Variants in SPAG5 observed in about 807,000 individuals in gnomAD.
SPAG5 encodes the protein sperm-associated antigen 5.
Under a neutral mutation model 145.4 loss-of-function variants are expected in SPAG5, and 99 were observed. That is an observed-to-expected ratio of 0.68 (90% confidence interval 0.58 to 0.80). SPAG5 has a LOEUF of 0.80. Ranked by LOEUF, SPAG5 falls within the 30% of genes least tolerant of loss-of-function variation. The probability of loss-of-function intolerance (pLI) is 0.00; values close to 1 mark genes in which losing one functional copy is unlikely to be tolerated. For missense variants in SPAG5, 1,192 were observed against 1,416.0 expected (o/e 0.84, Z 2.54); for synonymous variants, 477 against 525.4 (o/e 0.91, Z 1.26).
intron 4 of SPAG5, among the ~76,000 whole-genome samples, chr17:28,589,552 T>C (rs1406839315): frequency 6.6e-6 from 1 of 152,218 alleles, no homozygotes; most frequent in Non-Finnish European, 1.5e-5. Flanking sequence ...CCTTTTTCTC[T>C]TTGAACATAT....
At chr17:28,591,110 T>C (rs1349186908) in intron 4 of SPAG5, among the ~76,000 whole-genome samples, 2 of 152,168 alleles carry the variant, frequency 1.3e-5, no homozygotes, top group Non-Finnish European at 2.9e-5. Context: ...ATAATTTTTC[T>C]TAAAATATTA....
At chr17:28,578,901 C>G (rs1043460444) in intron 19 of SPAG5, 149 bp from the exon 20 acceptor site, 36 of 745,140 alleles carry the variant, frequency 4.8e-5, no homozygotes, top group Non-Finnish European at 8.0e-5. Flanking sequence ...CCAAGCCAGG[C>G]AAGGCACATT....
At chr17:28,589,091 A>G (rs1259448031) in intron 4 of SPAG5, among the ~76,000 whole-genome samples, 2 of 151,938 alleles carry the variant, frequency 1.3e-5, no homozygotes, top group Non-Finnish European at 2.9e-5. Context: ...CAATATTGAC[A>G]ATTTAAAATA....
In SPAG5 at chr17:28,592,199, C is replaced by G. The variant is rs1372351107; in HGVS notation, c.1045G>C (p.Gly349Arg). ...WMSPLAWLEK[G>R]VNTSVMLENL... is the part of the protein sequence containing the mutation. Reference sequence around the variant, plus strand: ...TCCAGCATGACGGAGGTATTTACACCTTTTTCCAGCCAGGCCAGTGGGGAC... The same window carrying G: ...TCCAGCATGACGGAGGTATTTACACGTTTTTCCAGCCAGGCCAGTGGGGAC... Residue 349 changes from glycine to arginine, a missense_variant, in exon 3 of 24, where the codon GGT becomes CGT. Coordinates refer to ENST00000321765, the MANE Select transcript of SPAG5 (RefSeq NM_006461.4). 1.2e-6 allele frequency: 2 copies of G among 1,613,944 alleles called. No homozygotes were observed. The highest frequency in any genetic ancestry group is 1.7e-6 in the Non-Finnish European group (2 of 1,179,998).
At chr17:28,584,079 C>T in intron 13 of SPAG5, 71 bp downstream of exon 13, 1 of 1,608,156 alleles carries the variant, frequency 6.2e-7, no homozygotes, top group Non-Finnish European at 8.5e-7. Flanking sequence ...CAAACCTTAC[C>T]TCAACACTAT....
Position 28,598,876 on chromosome 17 carries a change from G to A in SPAG5, c.51+20C>T, listed in dbSNP as rs1323580517. 4 of 1,612,632 alleles carry A rather than the reference G, an allele frequency of 2.5e-6. No homozygotes were observed. The highest frequency in any genetic ancestry group is 2.2e-5 in the South Asian group (2 of 91,054). ...ACAGCAGCCCGGCCCAGTTCTCTCC[G>A]CCAGAGATCTCCCGCTTACCGTCTG... On this transcript the variant is annotated intron_variant, in intron 1 of 23. Coordinates refer to ENST00000321765, the MANE Select transcript of SPAG5 (RefSeq NM_006461.4).
chr17:28,590,854 G>C (rs2070615813), intron 4 of SPAG5, among the ~76,000 whole-genome samples: 1 of 126,680 alleles, frequency 7.9e-6, no homozygotes, highest in Non-Finnish European at 1.6e-5. Flanking sequence ...GGGTGACAGA[G>C]TGAGACTCCG....
chr17:28,587,557 A>T (rs923634555), intron 4 of SPAG5, among the ~76,000 whole-genome samples: 18 of 151,494 alleles, frequency 1.2e-4, no homozygotes, highest in South Asian at 2.1e-4. Flanking sequence ...AAAAAAAAAA[A>T]TTTTTTTTCA....
chr17:28,591,962 A>G lies in SPAG5; in HGVS notation c.1262+20T>C, dbSNP rs1405239739. 1 of 1,612,132 alleles carries G rather than the reference A, an allele frequency of 6.2e-7. No individual in the cohort carries two copies. Among genetic ancestry groups the G allele is most frequent in the South Asian group, 1.1e-5 (1 of 91,064 alleles). The stretch of plus-strand genomic sequence containing the variant: ...CAGGGTAATGGAACTCACGAGGTGC[A>G]AGGACATAGGGGCGCTTACCCACAC... On this transcript the variant is annotated intron_variant, in intron 3 of 23. Coordinates refer to ENST00000321765, the MANE Select transcript of SPAG5 (RefSeq NM_006461.4).
Position 28,579,428 on chromosome 17 carries a change from T to C in SPAG5, c.2942A>G (p.Gln981Arg). The C allele has an allele frequency of 6.2e-7, 1 of 1,614,140 alleles. No individual in the cohort carries two copies. The highest frequency in any genetic ancestry group is 1.6e-4 in the Middle Eastern group (1 of 6,062). ...AEMSIMTTEL[Q>R]SLCSLLQESK... ...CTCTTGTAGCAGGGAACAAAGACTCTGAAGCTCAGTAGTCATAATACTCAT... is the reference window on the plus strand; with the variant it reads ...CTCTTGTAGCAGGGAACAAAGACTCCGAAGCTCAGTAGTCATAATACTCAT... The change falls in exon 18 of 24, where the codon CAG becomes CGG. Residue 981 changes from glutamine (Q) to arginine (R), a missense_variant. Transcript: ENST00000321765.
Position 28,592,206 on chromosome 17 carries a change from C to A in SPAG5, c.1038G>T (p.Leu346=). ...TESWMSPLAW[L]EKGVNTSVML... Reference sequence around the variant, plus strand: ...TGACGGAGGTATTTACACCTTTTTCCAGCCAGGCCAGTGGGGACATCCAAG... The same window carrying A: ...TGACGGAGGTATTTACACCTTTTTCAAGCCAGGCCAGTGGGGACATCCAAG... Residue 346 remains leucine, a synonymous_variant, in exon 3 of 24, where the codon CTG becomes CTT. Coordinates refer to ENST00000321765, the MANE Select transcript of SPAG5 (RefSeq NM_006461.4). 6.2e-7 allele frequency: 1 copy of A among 1,614,136 alleles called. No individual in the cohort carries two copies. Among genetic ancestry groups the A allele is most frequent in the Non-Finnish European group, 8.5e-7 (1 of 1,180,008 alleles).
At chr17:28,584,622 G>T in intron 11 of SPAG5, 30 bp downstream of exon 11, 1 of 1,597,080 alleles carries the variant, frequency 6.3e-7, no homozygotes, top group Non-Finnish European at 8.6e-7. Flanking sequence ...ATGCTTACAT[G>T]CATGCATACA....
In SPAG5 at chr17:28,592,121, C is replaced by A. The variant is rs1198617146; in HGVS notation, c.1123G>T (p.Gly375Cys). ...LPSMLRDAAI[G>C]TTPFSTCSVG... ...GAGCAAGTAGAGAAAGGGGTAGTGC[C>A]AATTGCAGCATCCCGAAGCATCGAG... The change falls in exon 3 of 24, where the codon GGC becomes TGC. Residue 375 changes from glycine (G) to cysteine (C), a missense_variant. Transcript: ENST00000321765. The A allele has an allele frequency of 3.7e-6, 6 of 1,614,096 alleles. No individual in the cohort carries two copies. The highest frequency in any genetic ancestry group is 5.1e-6 in the Non-Finnish European group (6 of 1,180,024).
chr17:28,579,905 A>C (rs2070539271), intron 16 of SPAG5, 68 bp from the exon 17 acceptor site: 3 of 1,551,902 alleles, frequency 1.9e-6, no homozygotes, highest in African/African-American at 2.7e-5. Flanking sequence ...CCATAATGGA[A>C]GCCAGGGTAA....
intron 4 of SPAG5, among the ~76,000 whole-genome samples, chr17:28,589,121 CAG>C (rs1348735259): frequency 6.7e-6 from 1 of 149,740 alleles, no homozygotes; most frequent in African/African-American, 2.5e-5. Flanking sequence ...TTTTTTGAGA[CAG>C]AGTCTTACTC....
chr17:28,588,598 C>T (rs1364825840), intron 4 of SPAG5, among the ~76,000 whole-genome samples: 2 of 152,194 alleles, frequency 1.3e-5, no homozygotes, highest in Admixed American at 6.5e-5. Flanking sequence ...ATCTCAACAG[C>T]CACAATGGTG....
intron 4 of SPAG5, among the ~76,000 whole-genome samples, chr17:28,588,201 C>A (rs1294999913): frequency 6.6e-6 from 1 of 152,198 alleles, no homozygotes; most frequent in South Asian, 2.1e-4. Context: ...GGGCTCACAT[C>A]GTGCTCAGCT....
chr17:28,587,540 C>T (rs900263788), intron 4 of SPAG5, among the ~76,000 whole-genome samples: 6 of 150,568 alleles, frequency 4.0e-5, no homozygotes, highest in East Asian at 3.9e-4. Context: ...AGTAAAACTC[C>T]GTCTCAAAAA....
chr17:28,590,666 C>T (rs933723309), intron 4 of SPAG5, among the ~76,000 whole-genome samples: 23 of 151,740 alleles, frequency 1.5e-4, no homozygotes, highest in Non-Finnish European at 2.9e-4. Flanking sequence ...GGCAGGAGTT[C>T]GAGACCAGCC....
Sources: allele counts gnomAD v4.1 joint callset (sites outside exome capture counted in the v4.1 genomes callset), GRCh38; gene constraint gnomAD v4.1.1; transcripts MANE v1.5; gene names NCBI Gene and HGNC (gene_info 2026-07-23, HGNC 2026-07-21).